ZBTB7A: variants seen among roughly 807,000 people sequenced by gnomAD.
The protein encoded by ZBTB7A is zinc finger and BTB domain containing 7A.
Under a neutral mutation model 26.7 loss-of-function variants are expected in ZBTB7A, and 7 were observed. That is an observed-to-expected ratio of 0.26 (90% CI 0.15 to 0.49). The LOEUF (loss-of-function observed/expected upper bound fraction) is 0.49. Among genes scored for constraint, ZBTB7A ranks in the 20% least tolerant of loss-of-function variants. ZBTB7A has a pLI of 0.98. For missense variants in ZBTB7A, 617 were observed against 919.5 expected (o/e 0.67, Z 4.25); for synonymous variants, 452 against 441.0 (o/e 1.02, Z -0.31).
intron 1 of ZBTB7A, among the ~76,000 whole-genome samples, chr19:4,061,305 C>A (rs776918746): frequency 6.6e-6 from 1 of 152,162 alleles, no homozygotes; most frequent in Non-Finnish European, 1.5e-5. Context: ...GGTGGGCGGC[C>A]GGCCCAAGGT....
In ZBTB7A at chr19:4,052,717, G is replaced by C. The variant is rs1473644910; in HGVS notation, c.1262+1254C>G. 1.3e-5 allele frequency among the ~76,000 whole-genome samples: 2 copies of C among 152,082 alleles called. No individual in the cohort carries two copies. Among genetic ancestry groups the C allele is most frequent in the Non-Finnish European group, 2.9e-5 (2 of 68,006 alleles). ...CCGCTACAGCCCGCCCCGGATCTACGAGGCCCAGCCAGCCACCTCTGGACT... is the reference window on the plus strand; with the variant it reads ...CCGCTACAGCCCGCCCCGGATCTACCAGGCCCAGCCAGCCACCTCTGGACT... On this transcript the variant is annotated intron_variant, in intron 2 of 2. Transcript: ENST00000322357. This position sits in a 1 kb window ranked among gnomAD's most constrained non-coding sequence, Gnocchi z 4.9.
intron 1 of ZBTB7A, among the ~76,000 whole-genome samples, chr19:4,064,608 G>A (rs1016931926): frequency 2.0e-5 from 3 of 152,242 alleles, no homozygotes; most frequent in African/African-American, 7.2e-5. Flanking sequence ...TGTGGGAGCG[G>A]CACGCTCAGG....
At chr19:4,053,785 C>CGT (rs1174589858) in intron 2 of ZBTB7A, among the ~76,000 whole-genome samples, 186 bp downstream of exon 2, 1 of 150,120 alleles carries the variant, frequency 6.7e-6, no homozygotes, top group Admixed American at 6.6e-5. Flanking sequence ...TGTGTGTCTG[C>CGT]GTGTGTGTGG....
chr19:4,060,426 C>G (rs892205949), intron 1 of ZBTB7A, among the ~76,000 whole-genome samples: 4 of 152,248 alleles, frequency 2.6e-5, no homozygotes, highest in African/African-American at 9.6e-5. Context: ...TCGGCCCCCT[C>G]TGTGCTCCCA....
intron 2 of ZBTB7A, among the ~76,000 whole-genome samples, chr19:4,049,164 G>A (rs1420324382): frequency 0.019 from 389 of 20,928 alleles, 9 homozygotes; most frequent in African/African-American, 0.032. Flanking sequence ...GTGTGTGTGT[G>A]TGTGTATATA....
At chr19:4,062,123 T>G (rs1440197874) in intron 1 of ZBTB7A, 1 of 152,260 alleles carries the variant, frequency 6.6e-6, no homozygotes, top group Non-Finnish European at 1.5e-5. Flanking sequence ...CCTGGCGGCC[T>G]GCAGAATCCG....
intron 1 of ZBTB7A, among the ~76,000 whole-genome samples, chr19:4,055,686 G>C (rs1048574543): frequency 5.3e-5 from 8 of 152,176 alleles, no homozygotes; most frequent in African/African-American, 1.9e-4. Context: ...AGCCGGGCGT[G>C]TTGGCGGGGG....
rs1285864305 is a variant in ZBTB7A at position 4,046,110 on chromosome 19, CG to C, written c.*1641del. ...GCTAGGGAGGAGGAAGGAGAGACCC[CG>C]TGGACAGAAGCGGGCGCTAAGACCT... is the stretch of plus-strand genomic sequence containing the variant. On this transcript the variant is annotated 3_prime_UTR_variant, in exon 3 of 3. Coordinates refer to ENST00000322357, the MANE Select transcript of ZBTB7A (RefSeq NM_015898.4). The C allele has an allele frequency of 2.5e-6, 1 of 398,650 alleles. No individual in the cohort carries two copies. The highest frequency in any genetic ancestry group is 4.4e-6 in the Non-Finnish European group (1 of 226,034). 24.7% of individuals were successfully genotyped at this position (398,650 alleles called of 1,614,324 possible).
At chr19:4,056,183 TC>T (rs1256099344) in intron 1 of ZBTB7A, among the ~76,000 whole-genome samples, 2 of 150,906 alleles carry the variant, frequency 1.3e-5, no homozygotes, top group Non-Finnish European at 3.0e-5. Context: ...CCAACCTGTT[TC>T]CCATCTGTAC....
At chr19:4,060,345 C>T (rs1363274756) in intron 1 of ZBTB7A, among the ~76,000 whole-genome samples, 3 of 152,230 alleles carry the variant, frequency 2.0e-5, no homozygotes, top group African/African-American at 7.2e-5. Context: ...GCCTGCCGGT[C>T]CCACCTCCCA....
intron 1 of ZBTB7A, among the ~76,000 whole-genome samples, chr19:4,060,410 C>A (rs1474586326): frequency 6.6e-6 from 1 of 152,242 alleles, no homozygotes; most frequent in African/African-American, 2.4e-5. Context: ...GCACCCGGGC[C>A]GCATTTCGGC....
chr19:4,046,253 G>A lies in ZBTB7A; in HGVS notation c.*1499C>T. ...TGGGGGTGAAGCACAAACACCTCGGGGCGTCTCCCAGGTCCCCTGCGATGG... is the reference window on the plus strand; with the variant it reads ...TGGGGGTGAAGCACAAACACCTCGGAGCGTCTCCCAGGTCCCCTGCGATGG... On this transcript the variant is annotated 3_prime_UTR_variant, in exon 3 of 3. Transcript: ENST00000322357. 1 of 394,904 alleles carries A rather than the reference G, an allele frequency of 2.5e-6. No individual in the cohort carries two copies. Among genetic ancestry groups the A allele is most frequent in the Non-Finnish European group, 4.5e-6 (1 of 224,154 alleles). The allele number at this position is 394,904 out of a possible 1,614,324, so 24.5% of individuals were successfully genotyped here.
In ZBTB7A at chr19:4,053,821, G is replaced by C. The variant is rs1038249811; in HGVS notation, c.1262+150C>G. On this transcript the variant is annotated intron_variant, in intron 2 of 2. Coordinates refer to ENST00000322357, the MANE Select transcript of ZBTB7A (RefSeq NM_015898.4). ...ATGTGTAGGTGACGTGCATGTGTCT[G>C]TGCGTGTACGTGTCTGTGTGCACGT... The C allele has an allele frequency of 1.5e-5, 13 of 864,248 alleles. No individual in the cohort carries two copies. The East Asian group carries it at 3.2e-4, about 21-fold the overall frequency. 53.5% of individuals were successfully genotyped at this position (864,248 alleles called of 1,614,324 possible).
Position 4,055,013 on chromosome 19 carries a change from C to A in ZBTB7A, c.220G>T (p.Val74Leu). 6.2e-7 allele frequency: 1 copy of A among 1,611,242 alleles called. No homozygotes were observed. Among genetic ancestry groups the A allele is most frequent in the Non-Finnish European group, 8.5e-7 (1 of 1,179,052 alleles). The stretch of plus-strand genomic sequence containing the variant: ...GCGCTGACGAAGTCGATCTCGTACA[C>A]GTTCTGCTGGTCCACCACGGCGCCC... ...TSGAVVDQQNVYEIDFVSAEA... is the reference protein window; with the variant it reads ...TSGAVVDQQNLYEIDFVSAEA... The change falls in exon 2 of 3, where the codon GTG becomes TTG. Residue 74 changes from valine to leucine, a missense_variant. Physicochemically the swap from Val to Leu is conservative, Grantham distance 32. Around this residue, in one of 5 missense-constraint regions of ZBTB7A, gnomAD observed 82 missense variants for 195.2 expected, o/e 0.42. Transcript: ENST00000322357.
intron 1 of ZBTB7A, chr19:4,055,491 G>A: frequency 1.0e-6 from 1 of 984,918 alleles, no homozygotes; most frequent in Non-Finnish European, 1.2e-6. Context: ...CTTTAATACA[G>A]AGACAGGCTA....
chr19:4,055,486 A>T (rs2040568398), intron 1 of ZBTB7A: 1 of 985,050 alleles, frequency 1.0e-6, no homozygotes, highest in Non-Finnish European at 1.2e-6. Context: ...TGTGTCTTTA[A>T]TACAGAGACA....
intron 1 of ZBTB7A, among the ~76,000 whole-genome samples, chr19:4,064,448 G>A (rs1265797092): frequency 6.6e-6 from 1 of 152,226 alleles, no homozygotes; most frequent in Non-Finnish European, 1.5e-5. Flanking sequence ...AAACGCCCCC[G>A]GCCTGAAGCC....
At chr19:4,053,512 TGTGCGTGCGTGC>T (rs71166953) in intron 2 of ZBTB7A, among the ~76,000 whole-genome samples, 7 of 134,264 alleles carry the variant, frequency 5.2e-5, no homozygotes, top group East Asian at 3.9e-4. Context: ...GGTGTGCGTG[TGTGCGTGCGTGC>T]GTGCGTGCAT....
At chr19:4,062,224 A>C (rs1227101954) in intron 1 of ZBTB7A, 4 of 152,160 alleles carry the variant, frequency 2.6e-5, no homozygotes, top group Non-Finnish European at 4.4e-5. Context: ...ACTTCCACCG[A>C]GTGGCCGTCC....
Sources: gnomAD v4.1 joint callset for allele counts (sites outside exome capture counted in the v4.1 genomes callset) on GRCh38, gnomAD v4.1.1 for gene constraint, gnomAD v4.1.1 regional missense constraint, Gnocchi (gnomAD v3.1) non-coding constraint, MANE v1.5 for transcripts, NCBI Gene and HGNC (gene_info 2026-07-23, HGNC 2026-07-21) for gene names.